PRKCE: variants seen among roughly 807,000 people sequenced by gnomAD.
PRKCE encodes protein kinase C epsilon type.
PRKCE carries 16 observed loss-of-function variants against 85.4 expected under a neutral mutation model. The ratio of observed to expected loss-of-function variants is 0.19; its 90% confidence interval spans 0.13 to 0.28. PRKCE has a LOEUF of 0.28. Among genes scored for constraint, PRKCE ranks in the 10% least tolerant of loss-of-function variants. The pLI, the probability that PRKCE is intolerant of heterozygous loss-of-function variation, is 1.00. For missense variants in PRKCE, 573 were observed against 975.2 expected (o/e 0.59, Z 5.49); for synonymous variants, 388 against 371.5 (o/e 1.04, Z -0.51).
At chr2:45,704,086 G>A (rs1678909837) in intron 1 of PRKCE, among the ~76,000 whole-genome samples, 1 of 152,190 alleles carries the variant, frequency 6.6e-6, no homozygotes, top group South Asian at 2.1e-4. Context: ...ACACATGGGC[G>A]ATGCATAGCT....
chr2:45,978,538 G>A (rs541315256), intron 3 of PRKCE: 30 of 166,058 alleles, frequency 1.8e-4, no homozygotes, highest in Non-Finnish European at 3.0e-4. Flanking sequence ...ACTGCCCAGG[G>A]AAATATACCT....
intron 1 of PRKCE, among the ~76,000 whole-genome samples, chr2:45,726,949 A>C (rs930407484): frequency 6.6e-6 from 1 of 152,202 alleles, no homozygotes; most frequent in Non-Finnish European, 1.5e-5. Flanking sequence ...TACTTTCCTC[A>C]TGGGAAATAA....
intron 1 of PRKCE, among the ~76,000 whole-genome samples, chr2:45,828,579 A>G (rs1690146604): frequency 6.6e-6 from 1 of 152,186 alleles, no homozygotes; most frequent in Non-Finnish European, 1.5e-5. Context: ...AATTTAAAAT[A>G]ATTTGTCTCA....
intron 1 of PRKCE, among the ~76,000 whole-genome samples, chr2:45,806,557 G>A (rs951882714): frequency 6.6e-6 from 1 of 152,152 alleles, no homozygotes; most frequent in African/African-American, 2.4e-5. Context: ...TTGTAGAACC[G>A]TAACTGTCTC....
intron 5 of PRKCE, among the ~76,000 whole-genome samples, chr2:45,981,887 C>G (rs1268253079): frequency 6.6e-6 from 1 of 152,192 alleles, no homozygotes; most frequent in African/African-American, 2.4e-5. Flanking sequence ...CTCTTCTGCA[C>G]TTTTTTGGAG....
intron 14 of PRKCE, among the ~76,000 whole-genome samples, chr2:46,179,396 AGAG>A (rs1317792417): frequency 1.3e-5 from 2 of 152,098 alleles, no homozygotes; most frequent in African/African-American, 4.8e-5. Flanking sequence ...TCTAGGCCTC[AGAG>A]CTGCCTGAGC....
intron 1 of PRKCE, among the ~76,000 whole-genome samples, chr2:45,827,565 A>T (rs570894079): frequency 3.9e-5 from 6 of 152,320 alleles, no homozygotes; most frequent in South Asian, 4.1e-4. Context: ...AGAGTTGCCC[A>T]TTTTCAGAGA....
intron 5 of PRKCE, among the ~76,000 whole-genome samples, chr2:45,983,719 G>C (rs753028631): frequency 1.3e-5 from 2 of 152,072 alleles, no homozygotes; most frequent in Non-Finnish European, 2.9e-5. Context: ...ATGGTGCCTG[G>C]TGTGTGGTCA....
chr2:45,799,550 C>T (rs1412204167), intron 1 of PRKCE, among the ~76,000 whole-genome samples: 1 of 152,122 alleles, frequency 6.6e-6, no homozygotes, highest in East Asian at 1.9e-4. Flanking sequence ...GGCAACGTAG[C>T]AAGACCCTGT....
intron 1 of PRKCE, among the ~76,000 whole-genome samples, chr2:45,748,772 C>T (rs376136133): frequency 4.1e-4 from 63 of 152,298 alleles, no homozygotes; most frequent in African/African-American, 1.3e-3. Flanking sequence ...GTAGCCCCTA[C>T]AGGTGCTAGA....
At chr2:46,029,685 G>GTTTT (rs10658922) in intron 10 of PRKCE, among the ~76,000 whole-genome samples, 1 of 146,342 alleles carries the variant, frequency 6.8e-6, no homozygotes, top group Non-Finnish European at 1.5e-5. Context: ...CGTCGTATGG[G>GTTTT]TTTTTTTTTT....
At chr2:45,746,241 T>G (rs1216813064) in intron 1 of PRKCE, among the ~76,000 whole-genome samples, 1 of 152,222 alleles carries the variant, frequency 6.6e-6, no homozygotes, top group Non-Finnish European at 1.5e-5. Flanking sequence ...TTATGGAATT[T>G]TCACTTCTGT....
At chr2:45,664,740 G>A (rs1675833056) in intron 1 of PRKCE, among the ~76,000 whole-genome samples, 1 of 152,216 alleles carries the variant, frequency 6.6e-6, no homozygotes, top group South Asian at 2.1e-4. Flanking sequence ...TATTTGAAAA[G>A]CTGAGACATT....
intron 1 of PRKCE, among the ~76,000 whole-genome samples, chr2:45,667,377 G>T (rs896300651): frequency 1.2e-4 from 19 of 152,044 alleles, no homozygotes; most frequent in Admixed American, 9.8e-4. Context: ...CAAACTCCTG[G>T]CATCAAGTGA....
intron 1 of PRKCE, among the ~76,000 whole-genome samples, chr2:45,814,646 T>C (rs4455207): frequency 1.3e-5 from 2 of 152,126 alleles, no homozygotes; most frequent in East Asian, 3.9e-4. Context: ...CCAATTCTCC[T>C]GGGGTCTGTG....
chr2:45,663,078 A>G (rs1031438021), intron 1 of PRKCE, among the ~76,000 whole-genome samples: 2 of 152,302 alleles, frequency 1.3e-5, no homozygotes, highest in South Asian at 4.2e-4. Context: ...GGTCTCTGTG[A>G]TCAAAGAGGT....
chr2:45,809,154 G>T (rs1479029935), intron 1 of PRKCE, among the ~76,000 whole-genome samples: 2 of 152,094 alleles, frequency 1.3e-5, no homozygotes, highest in Non-Finnish European at 2.9e-5. Context: ...TCTAGTCCTG[G>T]AACTCTATAG....
At chr2:45,828,758 A>G (rs1690162138) in intron 1 of PRKCE, among the ~76,000 whole-genome samples, 1 of 152,180 alleles carries the variant, frequency 6.6e-6, no homozygotes, top group East Asian at 1.9e-4. Flanking sequence ...TAATGTTCTT[A>G]AAGCAAAAAA....
intron 2 of PRKCE, among the ~76,000 whole-genome samples, chr2:45,855,663 G>C (rs188992391): frequency 2.6e-5 from 4 of 152,310 alleles, no homozygotes; most frequent in Admixed American, 1.3e-4. Context: ...GCTTGCTTGT[G>C]TGTCCTGTGA....
Sources: gnomAD v4.1 joint callset for allele counts (sites outside exome capture counted in the v4.1 genomes callset) on GRCh38, gnomAD v4.1.1 for gene constraint, MANE v1.5 for transcripts, NCBI Gene and HGNC (gene_info 2026-07-23, HGNC 2026-07-21) for gene names.